Variants in NPAT observed in about 807,000 individuals in gnomAD.
NPAT encodes nuclear protein, coactivator of histone transcription, also known as protein NPAT.
NPAT carries 52 observed loss-of-function variants against 130.7 expected under a neutral mutation model. The observed-to-expected ratio is 0.40, with a 90% CI of 0.32 to 0.50. NPAT has a LOEUF of 0.50. Ranked by LOEUF, NPAT falls within the 20% of genes least tolerant of loss-of-function variation. The pLI is 0.68. For missense variants in NPAT, 1,687 were observed against 1,662.6 expected, an observed-to-expected ratio of 1.01 and a Z score of -0.26; for synonymous variants, 580 against 584.8, an observed-to-expected ratio of 0.99 and a Z score of 0.12.
chr11:108,185,592 T>C (rs1426881590), intron 8 of NPAT, 98 bp from the exon 9 acceptor site: 7 of 813,238 alleles, frequency 8.6e-6, no homozygotes, highest in Non-Finnish European at 1.4e-5. Flanking sequence ...CTGGATAGTT[T>C]TAATAAACCT....
At chr11:108,176,869 T>C in intron 11 of NPAT, 125 bp downstream of exon 11, 3 of 674,012 alleles carry the variant, frequency 4.5e-6, no homozygotes, top group Non-Finnish European at 5.3e-6. Flanking sequence ...ATCCATATAA[T>C]GTTTGATGAA....
intron 1 of NPAT, among the ~76,000 whole-genome samples, chr11:108,202,441 T>G (rs531000010): frequency 6.6e-6 from 1 of 151,934 alleles, no homozygotes; most frequent in Non-Finnish European, 1.5e-5. Flanking sequence ...CCTGTGGAAA[T>G]AGAATGGGCC....
intron 2 of NPAT, among the ~76,000 whole-genome samples, chr11:108,196,484 G>A (rs1156495220): frequency 6.9e-6 from 1 of 144,168 alleles, no homozygotes; most frequent in Non-Finnish European, 1.5e-5. Flanking sequence ...AATGCTTGCA[G>A]GCATTTTGAC....
At chr11:108,192,885 C>CTGAGACA (rs2078184128) in intron 3 of NPAT, among the ~76,000 whole-genome samples, 1 of 151,926 alleles carries the variant, frequency 6.6e-6, no homozygotes, top group African/African-American at 2.4e-5. Flanking sequence ...ACCCGGGAGA[C>CTGAGACA]GGAGGTTGCG....
At chr11:108,176,881 T>G in intron 11 of NPAT, 113 bp downstream of exon 11, 2 of 696,538 alleles carry the variant, frequency 2.9e-6, no homozygotes, top group Non-Finnish European at 5.1e-6. Context: ...TTTGATGAAA[T>G]GAAAACAAGA....
chr11:108,217,540 T>C (rs2078445231), intron 1 of NPAT, among the ~76,000 whole-genome samples: 1 of 152,198 alleles, frequency 6.6e-6, no homozygotes, highest in African/African-American at 2.4e-5. Context: ...CCTATTAAAT[T>C]AGGCCTTACT....
intron 3 of NPAT, among the ~76,000 whole-genome samples, chr11:108,193,414 A>G (rs537865854): frequency 6.6e-6 from 1 of 152,292 alleles, no homozygotes; most frequent in African/African-American, 2.4e-5. Context: ...GTTGCAATTT[A>G]TGTACCACTC....
chr11:108,183,159 A>T (rs574895434), intron 10 of NPAT, among the ~76,000 whole-genome samples: 82 of 151,898 alleles, frequency 5.4e-4, no homozygotes, highest in East Asian at 1.9e-3. Context: ...TAAAAAAAAA[A>T]TTTTTTTTGT....
rs1192430472 is a variant in NPAT at position 108,192,133 on chromosome 11, G to A, written c.275C>T (p.Thr92Ile). The A allele has an allele frequency of 4.4e-6, 7 of 1,600,460 alleles. No individual in the cohort carries two copies. Among genetic ancestry groups the A allele is most frequent in the African/African-American group, 2.7e-5 (2 of 74,614 alleles). ...MSSLWKKLDH[T>I]LSQIRSMQSS... is the part of the protein sequence containing the mutation. The stretch of plus-strand genomic sequence containing the variant: ...AGCTTATTACCTGATCTGAGAAAGT[G>A]TATGGTCCAATTTCTTCCATAGAGA... Residue 92 changes from threonine to isoleucine, a missense_variant, in exon 4 of 18, where the codon ACA becomes ATA. Physicochemically the swap from Thr to Ile is moderately conservative, Grantham distance 89. Around this residue, in one of 3 missense-constraint regions of NPAT, gnomAD observed 307 missense variants for 298.9 expected, o/e 1.03. Coordinates refer to ENST00000278612, the MANE Select transcript of NPAT (RefSeq NM_002519.3).
intron 12 of NPAT, among the ~76,000 whole-genome samples, chr11:108,174,305 G>C (rs1273622436): frequency 6.6e-6 from 1 of 151,832 alleles, no homozygotes; most frequent in East Asian, 1.9e-4. Flanking sequence ...GGTGAGATGG[G>C]GCCAAGTACA....
rs745647699 is a variant in NPAT at position 108,161,400 on chromosome 11, T to A, written c.3686A>T (p.Asp1229Val). ...NVLSVGTAVK[D>V]LKQEQTKSAS... ...GGATTTAGTTTGTTCTTGTTTTAGA[T>A]CCTTCACAGCTGTACCTACTGAAAG... The change falls in exon 17 of 18, where the codon GAT (aspartate) becomes GTT (valine). Residue 1229 changes from aspartate (D) to valine (V), a missense_variant. Asp to Val is a radical substitution (Grantham distance 152, BLOSUM62 -3). Coordinates refer to ENST00000278612, the MANE Select transcript of NPAT (RefSeq NM_002519.3). 2.5e-6 allele frequency: 4 copies of A among 1,614,120 alleles called. No individual in the cohort carries two copies. The African/African-American group carries it at 4.0e-5, about 16-fold the overall frequency.
At chr11:108,204,153 C>A (rs79641592) in intron 1 of NPAT, among the ~76,000 whole-genome samples, 2,062 of 152,276 alleles carry the variant, frequency 0.014, 56 homozygotes, top group African/African-American at 0.046. Context: ...GGATTGATAG[C>A]AGCAAGAGAC....
chr11:108,188,104 C>A lies in NPAT; in HGVS notation c.632G>T (p.Arg211Leu). ...TCTTTTAAAAAGCATTTACCTTTTG[C>A]GTCTACCGGGAGACATTAAACTGGC... ...AHASLMSPGR[R>L]KSESQRKSTT... The change falls in exon 7 of 18, where the codon CGC becomes CTC. Residue 211 changes from arginine (R) to leucine (L), a missense_variant. By Grantham distance (102) the Arg-to-Leu change is moderately radical. Around this residue, in one of 3 missense-constraint regions of NPAT, gnomAD observed 307 missense variants for 298.9 expected, o/e 1.03. Transcript: ENST00000278612. The A allele has an allele frequency of 6.2e-7, 1 of 1,608,200 alleles. No individual in the cohort carries two copies. Among genetic ancestry groups the A allele is most frequent in the Non-Finnish European group, 8.5e-7 (1 of 1,176,666 alleles).
intron 4 of NPAT, among the ~76,000 whole-genome samples, chr11:108,190,703 C>A (rs891319128): frequency 1.3e-5 from 2 of 152,200 alleles, no homozygotes; most frequent in South Asian, 4.1e-4. Context: ...TAGACACACT[C>A]ACAACACACA....
chr11:108,176,222 A>G (rs541920562), intron 12 of NPAT, 24 bp downstream of exon 12: 55 of 1,498,640 alleles, frequency 3.7e-5, no homozygotes, highest in Middle Eastern at 3.8e-4. Context: ...TGGATTGATG[A>G]TATTAACAAA....
Position 108,169,835 on chromosome 11 carries a change from C to G in NPAT, c.2919G>C (p.Leu973Phe), listed in dbSNP as rs201676429. 1.2e-4 allele frequency: 198 copies of G among 1,613,860 alleles called. 1 individual carries two copies. In the African/African-American group the frequency reaches 2.5e-3, roughly 20 times the overall value. ...TPPRQVLHMPLTAPVCNRSIP... is the reference protein window; with the variant it reads ...TPPRQVLHMPFTAPVCNRSIP... The stretch of plus-strand genomic sequence containing the variant: ...TACTTCTATTGCATACAGGTGCTGT[C>G]AAAGGCATATGAAGAACCTGGAAGA... Residue 973 changes from leucine (L) to phenylalanine (F), a missense_variant, in exon 15 of 18, where the codon TTG (leucine) becomes TTC (phenylalanine). By Grantham distance (22) the Leu-to-Phe change is conservative. Transcript: ENST00000278612.
At chr11:108,171,153 CAG>C (rs1456372342) in intron 13 of NPAT, 2 of 104,074 alleles carry the variant, frequency 1.9e-5, no homozygotes, top group East Asian at 3.1e-4. Flanking sequence ...TTTTTGGAGA[CAG>C]AGTCTTACTC....
chr11:108,198,512 C>T (rs200909444), intron 1 of NPAT, among the ~76,000 whole-genome samples: 3 of 151,708 alleles, frequency 2.0e-5, no homozygotes, highest in African/African-American at 2.4e-5. Context: ...CCCAAGCAGA[C>T]GGGTAGGGTA....
chr11:108,190,623 A>G, intron 4 of NPAT, 123 bp from the exon 5 acceptor site: 1 of 801,342 alleles, frequency 1.2e-6, no homozygotes, highest in Non-Finnish European at 2.1e-6. Flanking sequence ...TCTCTCAGAC[A>G]AAAAAGACAA....
Sources: gnomAD v4.1 joint callset for allele counts (sites outside exome capture counted in the v4.1 genomes callset) on GRCh38, gnomAD v4.1.1 for gene constraint, gnomAD v4.1.1 regional missense constraint, MANE v1.5 for transcripts, NCBI Gene and HGNC (gene_info 2026-07-23, HGNC 2026-07-21) for gene names.